Variants in ZDHHC14 observed in about 807,000 individuals in gnomAD.
ZDHHC14 encodes palmitoyltransferase ZDHHC14.
In ZDHHC14, 16 loss-of-function variants were observed where a neutral mutation model predicts 47.7. The ratio of observed to expected loss-of-function variants is 0.34; its 90% CI spans 0.23 to 0.51. The LOEUF is 0.51. ZDHHC14 is among the 20% of genes least tolerant of loss of function. The pLI, the probability that ZDHHC14 is intolerant of heterozygous loss-of-function variation, is 0.97. For missense variants in ZDHHC14, 515 were observed against 662.5 expected, an observed-to-expected ratio of 0.78 and a Z score of 2.44; for synonymous variants, 293 against 278.9, an observed-to-expected ratio of 1.05 and a Z score of -0.50.
chr6:157,494,412 G>A (rs1010561594), intron 1 of ZDHHC14, among the ~76,000 whole-genome samples: 3 of 152,176 alleles, frequency 2.0e-5, no homozygotes, highest in East Asian at 1.9e-4. Flanking sequence ...TCCAAATGGC[G>A]GGATAGTAAT....
chr6:157,647,790 G>T (rs979458907), intron 7 of ZDHHC14, among the ~76,000 whole-genome samples: 2 of 152,320 alleles, frequency 1.3e-5, no homozygotes. Context: ...AATGTTCATA[G>T]GGAGAAAGCC....
chr6:157,603,911 G>T (rs138229370), intron 3 of ZDHHC14, among the ~76,000 whole-genome samples: 1 of 152,284 alleles, frequency 6.6e-6, no homozygotes, highest in Non-Finnish European at 1.5e-5. Context: ...ACAGGGAAGG[G>T]CACGCCACCT....
At chr6:157,446,368 C>G (rs1328737249) in intron 1 of ZDHHC14, among the ~76,000 whole-genome samples, 2 of 152,116 alleles carry the variant, frequency 1.3e-5, no homozygotes, top group Non-Finnish European at 2.9e-5. Flanking sequence ...CCTGACCCTC[C>G]AGTTGGTATA....
chr6:157,466,948 C>T (rs1779233230), intron 1 of ZDHHC14, among the ~76,000 whole-genome samples: 1 of 152,094 alleles, frequency 6.6e-6, no homozygotes, highest in South Asian at 2.1e-4. Flanking sequence ...TGCGCAGTAG[C>T]TGCCCTCACA....
At chr6:157,648,328 C>G (rs746989069) in intron 7 of ZDHHC14, among the ~76,000 whole-genome samples, 1 of 152,120 alleles carries the variant, frequency 6.6e-6, no homozygotes, top group African/African-American at 2.4e-5. Flanking sequence ...TGACTGTGTC[C>G]AGGGCAGACC....
chr6:157,518,590 G>A lies in ZDHHC14; in HGVS notation c.246-23995G>A, dbSNP rs774376476. ...TCTGTAGGTGACACCCAACCGCCCC[G>A]GTGCACCAGCGGATGGGGCTCAGCT... is the stretch of plus-strand genomic sequence containing the variant. On this transcript the variant is annotated intron_variant, in intron 1 of 8. Coordinates refer to ENST00000359775, the MANE Select transcript of ZDHHC14 (RefSeq NM_024630.3). Among the ~76,000 whole-genome samples the A allele has an allele frequency of 7.9e-5, 12 of 152,128 alleles. No individual in the cohort carries two copies. The South Asian group carries it at 2.1e-3, about 26-fold the overall frequency.
chr6:157,486,542 T>C (rs1779782279), intron 1 of ZDHHC14, among the ~76,000 whole-genome samples: 1 of 152,234 alleles, frequency 6.6e-6, no homozygotes, highest in Non-Finnish European at 1.5e-5. Flanking sequence ...CATTCTCACT[T>C]CCATGAGCAC....
At chr6:157,554,784 T>A (rs112412817) in intron 2 of ZDHHC14, among the ~76,000 whole-genome samples, 4,470 of 152,340 alleles carry the variant, frequency 0.029, 115 homozygotes, top group African/African-American at 0.067. Context: ...ATCACCACTG[T>A]GATGGTGGTG....
At chr6:157,581,316 G>T (rs1448446295) in intron 2 of ZDHHC14, among the ~76,000 whole-genome samples, 38 of 144,482 alleles carry the variant, frequency 2.6e-4, no homozygotes, top group Non-Finnish European at 4.7e-4. Context: ...TTTTTAATTT[G>T]CTGAGGATTG....
intron 3 of ZDHHC14, among the ~76,000 whole-genome samples, chr6:157,603,956 G>A (rs1001242588): frequency 6.6e-6 from 1 of 152,176 alleles, no homozygotes; most frequent in Non-Finnish European, 1.5e-5. Context: ...TTGGCTCTCT[G>A]TATTCATGGG....
intron 7 of ZDHHC14, among the ~76,000 whole-genome samples, chr6:157,650,032 T>C (rs1469190268): frequency 2.9e-5 from 4 of 139,180 alleles, no homozygotes; most frequent in Admixed American, 1.4e-4. Flanking sequence ...GCGCTGGGGG[T>C]GCACGGGAGA....
chr6:157,495,823 C>T (rs1780050375), intron 1 of ZDHHC14, among the ~76,000 whole-genome samples: 1 of 150,240 alleles, frequency 6.7e-6, no homozygotes, highest in Non-Finnish European at 1.5e-5. Context: ...TCCCACCTAA[C>T]CCCACCGGGT....
At chr6:157,460,368 C>T (rs1411827055) in intron 1 of ZDHHC14, among the ~76,000 whole-genome samples, 1 of 133,730 alleles carries the variant, frequency 7.5e-6, no homozygotes, top group Non-Finnish European at 1.5e-5. Context: ...CACTGCACTC[C>T]AGCCTGGGCA....
At chr6:157,392,691 C>G (rs540551765) in intron 1 of ZDHHC14, among the ~76,000 whole-genome samples, 104 of 150,962 alleles carry the variant, frequency 6.9e-4, no homozygotes, top group African/African-American at 2.3e-3. Context: ...CCCTTGACTC[C>G]AATCCTTCTA....
In ZDHHC14 at chr6:157,502,384, T is replaced by C. The variant is rs919231419; in HGVS notation, c.246-40201T>C. Among the ~76,000 whole-genome samples, 9 of 152,208 alleles carry C rather than the reference T, an allele frequency of 5.9e-5. No individual in the cohort carries two copies. Among genetic ancestry groups the C allele is most frequent in the African/African-American group, 2.2e-4 (9 of 41,458 alleles). ...TGACAGAGCAGTCAGGCAGTAGCTG[T>C]GGGAGCAGTAGTCAGGAGATTTCTT... On this transcript the variant is annotated intron_variant, in intron 1 of 8. Coordinates refer to ENST00000359775, the MANE Select transcript of ZDHHC14 (RefSeq NM_024630.3). The surrounding 1 kb of genome is among the most constrained non-coding windows in gnomAD (Gnocchi z 4.0).
At chr6:157,384,543 A>T (rs1777274894) in intron 1 of ZDHHC14, among the ~76,000 whole-genome samples, 1 of 152,036 alleles carries the variant, frequency 6.6e-6, no homozygotes, top group Admixed American at 6.5e-5. Context: ...ATGTGTGTAT[A>T]TGTGTGTGTG....
chr6:157,513,664 G>A (rs968465375), intron 1 of ZDHHC14, among the ~76,000 whole-genome samples: 1 of 152,104 alleles, frequency 6.6e-6, no homozygotes, highest in African/African-American at 2.4e-5. Context: ...TTATGTGATT[G>A]TACTATTTAT....
intron 1 of ZDHHC14, among the ~76,000 whole-genome samples, chr6:157,471,219 G>A (rs1466645856): frequency 1.3e-5 from 2 of 152,234 alleles, no homozygotes; most frequent in Non-Finnish European, 2.9e-5. Flanking sequence ...CGGGGTCCAG[G>A]AATCTGCACT....
chr6:157,673,095 C>A lies in ZDHHC14; in HGVS notation c.1440C>A (p.Arg480=), dbSNP rs963172637. Residue 480 remains arginine, a synonymous_variant, in exon 9 of 9, where the codon CGC becomes CGA. Coordinates refer to ENST00000359775, the MANE Select transcript of ZDHHC14 (RefSeq NM_024630.3). This position sits in a 1 kb window ranked among gnomAD's most constrained non-coding sequence, Gnocchi z 5.4. ...ACTCCCTGCATGAGGACTCTGTGCG[C>A]GGCCTGGTGAAGCTCAGCTCCGTGT... The part of the protein sequence containing the change: ...SQDSLHEDSV[R]GLVKLSSV 1 of 1,573,892 alleles carries A rather than the reference C, an allele frequency of 6.4e-7. No individual in the cohort carries two copies. Among genetic ancestry groups the A allele is most frequent in the South Asian group, 1.1e-5 (1 of 87,086 alleles).
Sources: gnomAD v4.1 joint callset for allele counts (sites outside exome capture counted in the v4.1 genomes callset) on GRCh38, gnomAD v4.1.1 for gene constraint, Gnocchi (gnomAD v3.1) non-coding constraint, MANE v1.5 for transcripts, NCBI Gene and HGNC (gene_info 2026-07-23, HGNC 2026-07-21) for gene names.